Variants in GXYLT2 observed in about 807,000 individuals in gnomAD.
GXYLT2 encodes the protein glucoside xylosyltransferase 2.
A neutral mutation model predicts 45.8 loss-of-function variants in GXYLT2; 53 were observed. That is an observed-to-expected ratio of 1.16 (90% CI 0.93 to 1.46). The LOEUF (loss-of-function observed/expected upper bound fraction) is 1.46. Among genes scored for constraint, GXYLT2 ranks in the 40% most tolerant of loss-of-function variants. The pLI is 0.00. For missense variants in GXYLT2, 551 were observed against 544.4 expected (o/e 1.01, Z -0.12); for synonymous variants, 219 against 214.2 (o/e 1.02, Z -0.19).
intron 3 of GXYLT2, chr3:72,929,206 C>G: frequency 6.3e-7 from 1 of 1,583,860 alleles, no homozygotes; most frequent in Non-Finnish European, 8.6e-7. Flanking sequence ...TTGCCAAATA[C>G]TTTCTTCACC....
chr3:72,923,119 G>A lies in GXYLT2; in HGVS notation c.600+784G>A, dbSNP rs1312606957. 2.0e-5 allele frequency among the ~76,000 whole-genome samples: 3 copies of A among 152,116 alleles called. No individual in the cohort carries two copies. In the East Asian group the frequency reaches 5.8e-4, roughly 29 times the overall value. ...AAAATACAAAAATTAGCCAGGCTTGGTGGTGTATGTCTGTAATCCCAGCTA... is the reference window on the plus strand; with the variant it reads ...AAAATACAAAAATTAGCCAGGCTTGATGGTGTATGTCTGTAATCCCAGCTA... On this transcript the variant is annotated intron_variant, in intron 3 of 6. Coordinates refer to ENST00000389617, the MANE Select transcript of GXYLT2 (RefSeq NM_001080393.2).
At chr3:72,888,568 T>C in intron 1 of GXYLT2, 60 bp downstream of exon 1, 1 of 1,071,534 alleles carries the variant, frequency 9.3e-7, no homozygotes. Flanking sequence ...CCTACACCCG[T>C]GCCAAGTCCA....
chr3:72,961,244 T>C (rs114407476), intron 5 of GXYLT2, among the ~76,000 whole-genome samples: 1,856 of 152,234 alleles, frequency 0.012, 38 homozygotes, highest in African/African-American at 0.038. Context: ...CAGAGTTCTA[T>C]AGAAGGGATA....
At chr3:72,908,023 T>G (rs1709542861) in intron 1 of GXYLT2, 3 of 188,808 alleles carry the variant, frequency 1.6e-5, no homozygotes, top group East Asian at 1.4e-4. Flanking sequence ...GAGTGGGAGC[T>G]CCACAGCCCT....
intron 2 of GXYLT2, among the ~76,000 whole-genome samples, chr3:72,913,200 G>A (rs556027350): frequency 0.012 from 1,741 of 151,112 alleles, 10 homozygotes; most frequent in Non-Finnish European, 0.02. Flanking sequence ...ACCACGCCCG[G>A]CTAATTTTTT....
intron 1 of GXYLT2, among the ~76,000 whole-genome samples, chr3:72,898,744 T>TTTTC (rs1559725426): frequency 3.6e-4 from 54 of 151,252 alleles, no homozygotes; most frequent in African/African-American, 1.1e-3. Flanking sequence ...CTTTTCTTTT[T>TTTTC]TTTTCAGATG....
intron 6 of GXYLT2, among the ~76,000 whole-genome samples, chr3:72,970,862 C>T (rs1710975560): frequency 6.6e-6 from 1 of 151,792 alleles, no homozygotes; most frequent in African/African-American, 2.4e-5. Context: ...AACTCCATCT[C>T]AAAAAAAGAA....
chr3:72,976,048 C>T lies in GXYLT2; in HGVS notation c.*889C>T, dbSNP rs899809543. On this transcript the variant is annotated 3_prime_UTR_variant, in exon 7 of 7. Coordinates refer to ENST00000389617, the MANE Select transcript of GXYLT2 (RefSeq NM_001080393.2). Reference sequence around the variant, plus strand: ...CTGGGTTCAAGTGATTCTCATGCCTCAGCCTCCCCAGTAGCTGGGATTACA... The same window carrying T: ...CTGGGTTCAAGTGATTCTCATGCCTTAGCCTCCCCAGTAGCTGGGATTACA... 8.6e-5 allele frequency: 13 copies of T among 151,354 alleles called. No individual in the cohort carries two copies. The highest frequency in any genetic ancestry group is 2.9e-4 in the African/African-American group (12 of 41,030). The allele number at this position is 151,354 out of a possible 1,614,324, so 9.4% of individuals were successfully genotyped here.
chr3:72,942,266 A>T (rs1052532583), intron 3 of GXYLT2, among the ~76,000 whole-genome samples: 3 of 152,052 alleles, frequency 2.0e-5, no homozygotes, highest in Non-Finnish European at 2.9e-5. Context: ...TAACTGAATT[A>T]AAAAAATAAA....
intron 5 of GXYLT2, among the ~76,000 whole-genome samples, 193 bp downstream of exon 5, chr3:72,957,545 A>G (rs1710672564): frequency 6.6e-6 from 1 of 152,178 alleles, no homozygotes; most frequent in African/African-American, 2.4e-5. Flanking sequence ...CTACTGACAC[A>G]AAAGGCCAAA....
intron 3 of GXYLT2, among the ~76,000 whole-genome samples, chr3:72,947,097 C>T (rs1202000913): frequency 6.6e-6 from 1 of 152,132 alleles, no homozygotes; most frequent in African/African-American, 2.4e-5. Flanking sequence ...AGCGATCCTC[C>T]CACCTCCTGC....
In GXYLT2 at chr3:72,953,725, T is replaced by C. The variant is rs1407176388; in HGVS notation, c.601-1373T>C. On this transcript the variant is annotated intron_variant, in intron 3 of 6. Coordinates refer to ENST00000389617, the MANE Select transcript of GXYLT2 (RefSeq NM_001080393.2). The stretch of plus-strand genomic sequence containing the variant: ...TATCTGGCCCTTTAGAGGAAAAAGG[T>C]TGCCGCATGCTGATACACAAACAAA... Among the ~76,000 whole-genome samples the C allele has an allele frequency of 2.0e-5, 3 of 152,080 alleles. No individual in the cohort carries two copies. The East Asian group carries it at 5.8e-4, about 29-fold the overall frequency.
intron 6 of GXYLT2, among the ~76,000 whole-genome samples, chr3:72,968,489 G>T (rs1384097882): frequency 6.6e-6 from 1 of 152,200 alleles, no homozygotes; most frequent in Non-Finnish European, 1.5e-5. Context: ...GCCTTTATTT[G>T]CTTAACTGCA....
intron 1 of GXYLT2, chr3:72,907,968 C>T (rs555971022): frequency 6.1e-6 from 1 of 163,912 alleles, no homozygotes; most frequent in South Asian, 1.7e-4. Flanking sequence ...AACCCACACT[C>T]CTCTTGTTCA....
At chr3:72,911,625 G>A (rs1709624126) in intron 2 of GXYLT2, among the ~76,000 whole-genome samples, 1 of 152,120 alleles carries the variant, frequency 6.6e-6, no homozygotes, top group African/African-American at 2.4e-5. Flanking sequence ...TTGTGTGTGA[G>A]CTGGATGGAA....
chr3:72,935,543 C>T (rs1011261055), intron 3 of GXYLT2, among the ~76,000 whole-genome samples: 2 of 152,048 alleles, frequency 1.3e-5, no homozygotes, highest in African/African-American at 4.8e-5. Flanking sequence ...AAAACCATAC[C>T]GTATCAGGCA....
Position 72,975,325 on chromosome 3 carries a change from T to C in GXYLT2, c.*166T>C. ...AATCAGTTGCCCCCAAAAGGGAATA[T>C]GCTTTTCCTTATTTTTTTTTCTAAA... On this transcript the variant is annotated 3_prime_UTR_variant, in exon 7 of 7. Coordinates refer to ENST00000389617, the MANE Select transcript of GXYLT2 (RefSeq NM_001080393.2). The C allele has an allele frequency of 4.6e-6, 2 of 435,066 alleles. No homozygotes were observed. Among genetic ancestry groups the C allele is most frequent in the Non-Finnish European group, 8.2e-6 (2 of 243,658 alleles). 27.0% of individuals were successfully genotyped at this position (435,066 alleles called of 1,614,324 possible).
intron 3 of GXYLT2, among the ~76,000 whole-genome samples, chr3:72,949,534 A>C (rs1462839176): frequency 4.5e-5 from 3 of 67,210 alleles, no homozygotes; most frequent in African/African-American, 1.8e-4. Flanking sequence ...TTTTTTTGAG[A>C]TGGAGTCTTG....
intron 2 of GXYLT2, among the ~76,000 whole-genome samples, chr3:72,913,591 A>G (rs1709678010): frequency 6.6e-6 from 1 of 151,986 alleles, no homozygotes. Flanking sequence ...GCTACTCGGG[A>G]GTCTGAGGCA....
Sources: gnomAD v4.1 joint callset for allele counts (sites outside exome capture counted in the v4.1 genomes callset) on GRCh38, gnomAD v4.1.1 for gene constraint, MANE v1.5 for transcripts, NCBI Gene and HGNC (gene_info 2026-07-23, HGNC 2026-07-21) for gene names.